Variants in SPTBN4 observed in about 807,000 individuals in gnomAD.
SPTBN4 encodes the protein spectrin beta chain, non-erythrocytic 4.
Under a neutral mutation model 277.8 loss-of-function variants are expected in SPTBN4, and 96 were observed. The ratio of observed to expected loss-of-function variants is 0.35; its 90% confidence interval spans 0.29 to 0.41. The LOEUF (loss-of-function observed/expected upper bound fraction) is 0.41, where lower values mean the gene tolerates loss of function less well. Ranked by LOEUF, SPTBN4 falls within the 10% of genes least tolerant of loss-of-function variation. SPTBN4 has a pLI of 1.00. For synonymous variants in SPTBN4, 1,481 were observed against 1,580.3 expected (o/e 0.94, Z 1.49); for missense variants, 3,006 against 3,595.7 (o/e 0.84, Z 4.19).
chr19:40,564,724 C>A (rs1384624549), intron 27 of SPTBN4, among the ~76,000 whole-genome samples: 1 of 151,640 alleles, frequency 6.6e-6, no homozygotes, highest in Non-Finnish European at 1.5e-5. Context: ...GTGGTCCCCG[C>A]TACTCAGGAG....
rs1196394004 is a variant in SPTBN4 at position 40,493,069 on chromosome 19, C to A, written c.587+15C>A. On this transcript the variant is annotated intron_variant, in intron 5 of 35. Transcript: ENST00000598249. ...AAGACAGCTGGGTAAGCACCCCCAC[C>A]ACCTTCCTTAGGAGGTTAGGCAAGT... 7.4e-6 allele frequency: 12 copies of A among 1,613,374 alleles called. No homozygotes were observed. Among genetic ancestry groups the A allele is most frequent in the Non-Finnish European group, 9.3e-6 (11 of 1,179,516 alleles).
intron 7 of SPTBN4, among the ~76,000 whole-genome samples, chr19:40,497,883 C>A (rs925469916): frequency 5.3e-5 from 8 of 151,556 alleles, no homozygotes; most frequent in Non-Finnish European, 1.0e-4. Context: ...TCTCAATTTC[C>A]ACCCATCCCC....
chr19:40,563,276 C>A (rs1176894117), intron 27 of SPTBN4, among the ~76,000 whole-genome samples: 1 of 151,876 alleles, frequency 6.6e-6, no homozygotes, highest in African/African-American at 2.4e-5. Flanking sequence ...CCCAGCTACC[C>A]TGGAGGCTAA....
intron 30 of SPTBN4, 21 bp from the exon 31 acceptor site, chr19:40,567,642 C>T (rs377169953): frequency 2.5e-5 from 28 of 1,131,998 alleles, no homozygotes; most frequent in African/African-American, 1.5e-4. Context: ...TCCAACCTAA[C>T]CCTGGTCCCT....
In SPTBN4 at chr19:40,513,526, C is replaced by A; in HGVS notation, c.2737C>A (p.Leu913Ile). The A allele has an allele frequency of 3.1e-6, 5 of 1,589,718 alleles. No individual in the cohort carries two copies. The highest frequency in any genetic ancestry group is 4.3e-6 in the Non-Finnish European group (5 of 1,173,220). Reference sequence around the variant, plus strand: ...GCTCTCCATGCGTGTGCCGGATTCACTCGACGACGTCGAGGTGGTGCAGCA... The same window carrying A: ...GCTCTCCATGCGTGTGCCGGATTCAATCGACGACGTCGAGGTGGTGCAGCA... ...WLLSMRVPDSLDDVEVVQHRF... is the reference protein window; with the variant it reads ...WLLSMRVPDSIDDVEVVQHRF... The change falls in exon 14 of 36, where the codon CTC (leucine) becomes ATC (isoleucine). Residue 913 changes from leucine (L) to isoleucine (I), a missense_variant. Transcript: ENST00000598249.
chr19:40,500,410 C>T (rs2080251201), intron 7 of SPTBN4, among the ~76,000 whole-genome samples: 1 of 152,196 alleles, frequency 6.6e-6, no homozygotes, highest in South Asian at 2.1e-4. Context: ...TGCATGCTGC[C>T]TCCAAAGCCT....
chr19:40,504,656 G>A (rs1006828305), intron 12 of SPTBN4, among the ~76,000 whole-genome samples: 1 of 150,260 alleles, frequency 6.7e-6, no homozygotes, highest in Non-Finnish European at 1.5e-5. Flanking sequence ...GCGACAGAGC[G>A]AGACTCCGTC....
chr19:40,573,295 G>T (rs1426127167), intron 35 of SPTBN4, among the ~76,000 whole-genome samples: 1 of 152,090 alleles, frequency 6.6e-6, no homozygotes, highest in African/African-American at 2.4e-5. Flanking sequence ...CTGGGTGACA[G>T]AGTGAGATTC....
chr19:40,554,069 G>A lies in SPTBN4; in HGVS notation c.4675-78G>A. ...GTTAATTGCCCCGTGGGCCGTGCCA[G>A]TAGCAGAGGAGCGTGTGGTCTTGCA... On this transcript the variant is annotated intron_variant, in intron 22 of 35. Transcript: ENST00000598249. The surrounding 1 kb of genome is among the most constrained non-coding windows in gnomAD (Gnocchi z 5.7). The A allele has an allele frequency of 2.2e-6, 3 of 1,349,416 alleles. No individual in the cohort carries two copies. Among genetic ancestry groups the A allele is most frequent in the South Asian group, 3.4e-5 (2 of 59,046 alleles). 83.6% of individuals were successfully genotyped at this position (1,349,416 alleles called of 1,614,324 possible).
At chr19:40,476,214 G>A (rs760240427) in intron 2 of SPTBN4, among the ~76,000 whole-genome samples, 6 of 151,922 alleles carry the variant, frequency 3.9e-5, no homozygotes, top group African/African-American at 4.8e-5. Flanking sequence ...GTGTGGTGGC[G>A]CGTGCCTCTA....
At position 40,490,015 on chromosome 19, in the gene SPTBN4, G is replaced by A; in HGVS notation, c.322-60G>A. ...GGGCTTCTTTGGAAGCTGCGGGGCC[G>A]AGGGCGCCATACTCCTGTCTGTCCA... On this transcript the variant is annotated intron_variant, in intron 3 of 35. Transcript: ENST00000598249. This position sits in a 1 kb window ranked among gnomAD's most constrained non-coding sequence, Gnocchi z 4.3. The A allele has an allele frequency of 2.0e-6, 3 of 1,481,994 alleles. No individual in the cohort carries two copies. The highest frequency in any genetic ancestry group is 2.7e-6 in the Non-Finnish European group (3 of 1,113,814). The allele number at this position is 1,481,994 out of a possible 1,614,324, so 91.8% of individuals were successfully genotyped here. A position where few individuals can be genotyped will look rare whatever the true frequency, so the allele number is the denominator to read the frequency against.
intron 21 of SPTBN4, among the ~76,000 whole-genome samples, chr19:40,549,974 A>G (rs1197913842): frequency 6.6e-6 from 1 of 152,124 alleles, no homozygotes; most frequent in East Asian, 1.9e-4. Flanking sequence ...AAGAAAGAGT[A>G]TGTCAACAGA....
chr19:40,529,340 A>AGGGGCCCCG (rs2080635005), intron 18 of SPTBN4, among the ~76,000 whole-genome samples: 2 of 152,166 alleles, frequency 1.3e-5, no homozygotes, highest in Non-Finnish European at 2.9e-5. Flanking sequence ...GAAACGAAGG[A>AGGGGCCCCG]GGGGCCCCGG....
intron 2 of SPTBN4, among the ~76,000 whole-genome samples, chr19:40,478,063 C>A (rs573422238): frequency 6.6e-6 from 1 of 152,230 alleles, no homozygotes. Context: ...TGGTCTCGAA[C>A]TCCTGACATC....
At chr19:40,561,842 GA>G (rs540111537) in intron 27 of SPTBN4, among the ~76,000 whole-genome samples, 108 of 149,648 alleles carry the variant, frequency 7.2e-4, no homozygotes, top group African/African-American at 1.8e-3. Flanking sequence ...AAAAAGAAAA[GA>G]AAAAAAAATG....
At chr19:40,478,786 G>T (rs1016814897) in intron 2 of SPTBN4, among the ~76,000 whole-genome samples, 1 of 151,962 alleles carries the variant, frequency 6.6e-6, no homozygotes, top group African/African-American at 2.4e-5. Context: ...ACCTCAAGTG[G>T]TCCACCTGCC....
At chr19:40,514,235 G>T (rs1425040324) in intron 14 of SPTBN4, among the ~76,000 whole-genome samples, 1 of 152,154 alleles carries the variant, frequency 6.6e-6, no homozygotes, top group Non-Finnish European at 1.5e-5. Context: ...GTCTTGTGCT[G>T]GGCACTGCTG....
At position 40,519,900 on chromosome 19, in the gene SPTBN4, C is replaced by T. The variant is rs865802396; in HGVS notation, c.3403C>T (p.Leu1135Phe). Residue 1135 changes from leucine (L) to phenylalanine (F), a missense_variant, in exon 16 of 36, where the codon CTC becomes TTC. Coordinates refer to ENST00000598249, the MANE Select transcript of SPTBN4 (RefSeq NM_020971.3). The surrounding 1 kb of genome is among the most constrained non-coding windows in gnomAD (Gnocchi z 5.7). ...ADALLARHAA[L>F]KEEVDQREED... ...CGCGCTGCTGGCGCGCCACGCTGCG[C>T]TCAAGGAGGAGGTGGACCAGCGCGA... 2 of 1,538,856 alleles carry T rather than the reference C, an allele frequency of 1.3e-6. No individual in the cohort carries two copies. Among genetic ancestry groups the T allele is most frequent in the Non-Finnish European group, 1.7e-6 (2 of 1,151,388 alleles).
chr19:40,509,518 T>C (rs948823912), intron 13 of SPTBN4, among the ~76,000 whole-genome samples: 1 of 152,194 alleles, frequency 6.6e-6, no homozygotes, highest in African/African-American at 2.4e-5. Context: ...GTGCTGGGAT[T>C]ACAGGTGTGA....
Sources: gnomAD v4.1 joint callset for allele counts (sites outside exome capture counted in the v4.1 genomes callset) on GRCh38, gnomAD v4.1.1 for gene constraint, Gnocchi (gnomAD v3.1) non-coding constraint, MANE v1.5 for transcripts, NCBI Gene and HGNC (gene_info 2026-07-23, HGNC 2026-07-21) for gene names.